Variants in GRIK1 observed in about 807,000 individuals in gnomAD.
The protein encoded by GRIK1 is glutamate ionotropic receptor kainate type subunit 1.
GRIK1 carries 69 observed loss-of-function variants against 105.7 expected under a neutral mutation model. That is an observed-to-expected ratio of 0.65 (90% CI 0.54 to 0.80). GRIK1 has a LOEUF of 0.80. GRIK1 is among the 30% of genes least tolerant of loss of function. The probability of loss-of-function intolerance (pLI) is 0.00; values close to 1 mark genes in which losing one functional copy is unlikely to be tolerated. For synonymous variants in GRIK1, 438 were observed against 431.3 expected, an observed-to-expected ratio of 1.02 and a Z score of -0.19; for missense variants, 1,109 against 1,167.3, an observed-to-expected ratio of 0.95 and a Z score of 0.73.
At chr21:29,624,047 T>G (rs76427137) in intron 7 of GRIK1, among the ~76,000 whole-genome samples, 5,038 of 152,300 alleles carry the variant, frequency 0.033, 80 homozygotes, top group East Asian at 0.059. Flanking sequence ...TGTAATGCAT[T>G]GAACAGAGCA....
At chr21:29,698,978 A>G (rs1224323006) in intron 1 of GRIK1, among the ~76,000 whole-genome samples, 1 of 152,224 alleles carries the variant, frequency 6.6e-6, no homozygotes, top group South Asian at 2.1e-4. Context: ...GGATTTACCT[A>G]TGAGGACTTT....
chr21:29,624,303 C>T (rs1160621059), intron 7 of GRIK1, among the ~76,000 whole-genome samples: 2 of 152,128 alleles, frequency 1.3e-5, no homozygotes, highest in African/African-American at 4.8e-5. Context: ...CATGACTAGA[C>T]TACTTGAGTG....
intron 1 of GRIK1, among the ~76,000 whole-genome samples, chr21:29,770,117 G>A (rs1391259213): frequency 7.9e-5 from 12 of 152,148 alleles, no homozygotes; most frequent in Non-Finnish European, 1.5e-5. Flanking sequence ...TAACTGCATA[G>A]TTCTTCTTTC....
intron 1 of GRIK1, among the ~76,000 whole-genome samples, chr21:29,886,287 G>C (rs184380316): frequency 1.6e-3 from 237 of 152,170 alleles, no homozygotes; most frequent in African/African-American, 5.4e-3. Flanking sequence ...TAAAGTCTAT[G>C]CTCTCTTTTG....
intron 1 of GRIK1, among the ~76,000 whole-genome samples, chr21:29,786,134 A>G (rs1040184812): frequency 6.6e-6 from 1 of 152,132 alleles, no homozygotes; most frequent in Non-Finnish European, 1.5e-5. Flanking sequence ...GATTACAGGC[A>G]CACACCACCA....
At chr21:29,632,057 T>C (rs1239920385) in intron 7 of GRIK1, among the ~76,000 whole-genome samples, 1 of 152,218 alleles carries the variant, frequency 6.6e-6, no homozygotes, top group African/African-American at 2.4e-5. Context: ...ATTCAATGCA[T>C]AAGTTGTTCC....
chr21:29,907,624 T>C (rs537029959), intron 1 of GRIK1, among the ~76,000 whole-genome samples: 1 of 152,212 alleles, frequency 6.6e-6, no homozygotes, highest in South Asian at 2.1e-4. Context: ...TTAAAATTTA[T>C]TAGTATAAAA....
At chr21:29,803,417 C>A (rs2066768111) in intron 1 of GRIK1, among the ~76,000 whole-genome samples, 1 of 152,116 alleles carries the variant, frequency 6.6e-6, no homozygotes, top group Admixed American at 6.6e-5. Context: ...CCATTACATT[C>A]TTTACATTTC....
chr21:29,735,621 G>C (rs1278928410), intron 1 of GRIK1, among the ~76,000 whole-genome samples: 1 of 152,094 alleles, frequency 6.6e-6, no homozygotes, highest in Non-Finnish European at 1.5e-5. Flanking sequence ...CATCGGCTGG[G>C]CACGGTTGCT....
intron 1 of GRIK1, among the ~76,000 whole-genome samples, chr21:29,775,019 A>AAACATCCACC (rs2065907357): frequency 6.6e-6 from 1 of 152,102 alleles, no homozygotes; most frequent in African/African-American, 2.4e-5. Context: ...TTACTGCTAA[A>AAACATCCACC]AACATCCACC....
intron 7 of GRIK1, among the ~76,000 whole-genome samples, chr21:29,610,095 C>A (rs961016021): frequency 1.3e-5 from 2 of 152,122 alleles, no homozygotes; most frequent in Non-Finnish European, 2.9e-5. Context: ...CGATCATAAA[C>A]TTACAGGTAA....
chr21:29,556,750 A>G (rs1327402473), intron 15 of GRIK1, among the ~76,000 whole-genome samples: 1 of 152,218 alleles, frequency 6.6e-6, no homozygotes, highest in Non-Finnish European at 1.5e-5. Context: ...TGGAACCACA[A>G]AATAGAAGGA....
At chr21:29,792,978 T>A (rs1337096776) in intron 1 of GRIK1, among the ~76,000 whole-genome samples, 1 of 152,218 alleles carries the variant, frequency 6.6e-6, no homozygotes, top group Non-Finnish European at 1.5e-5. Context: ...CAATCAAAAC[T>A]ATTTAATGTC....
intron 1 of GRIK1, among the ~76,000 whole-genome samples, chr21:29,804,990 G>C (rs919437195): frequency 2.6e-5 from 4 of 152,096 alleles, no homozygotes; most frequent in Admixed American, 2.0e-4. Flanking sequence ...GCAAGCTGAT[G>C]TGATGGAGTG....
intron 1 of GRIK1, among the ~76,000 whole-genome samples, chr21:29,695,145 G>A (rs890715359): frequency 1.3e-5 from 2 of 152,150 alleles, no homozygotes; most frequent in Non-Finnish European, 2.9e-5. Context: ...CAAAATGTTA[G>A]TGCTTAAAGC....
intron 1 of GRIK1, among the ~76,000 whole-genome samples, chr21:29,710,317 T>G (rs920857079): frequency 2.6e-5 from 4 of 152,060 alleles, no homozygotes; most frequent in Admixed American, 2.0e-4. Context: ...TAAATTAGAT[T>G]TGTATATAAG....
intron 1 of GRIK1, among the ~76,000 whole-genome samples, chr21:29,920,595 T>C (rs771857487): frequency 6.6e-6 from 1 of 152,134 alleles, no homozygotes; most frequent in Non-Finnish European, 1.5e-5. Flanking sequence ...AATATTTATT[T>C]GTGTGATCAT....
chr21:29,563,391 CCT>C (rs1198403704), intron 14 of GRIK1, among the ~76,000 whole-genome samples: 1 of 152,064 alleles, frequency 6.6e-6, no homozygotes, highest in Non-Finnish European at 1.5e-5. Context: ...TGAAAATCCC[CCT>C]GAGAAAGGTC....
At chr21:29,888,167 T>TTC (rs1164246208) in intron 1 of GRIK1, among the ~76,000 whole-genome samples, 1 of 7,410 alleles carries the variant, frequency 1.3e-4, no homozygotes, top group Non-Finnish European at 5.9e-4. Context: ...TCTTTTTTCT[T>TTC]TCTTTCTTTC....
Sources: allele counts gnomAD v4.1 joint callset (sites outside exome capture counted in the v4.1 genomes callset), GRCh38; gene constraint gnomAD v4.1.1; transcripts MANE v1.5; gene names NCBI Gene and HGNC (gene_info 2026-07-23, HGNC 2026-07-21).